Variants in TTC39B observed in about 807,000 individuals in gnomAD.
TTC39B encodes tetratricopeptide repeat protein 39B.
In TTC39B, 92 loss-of-function variants were observed where a neutral mutation model predicts 96.6. The ratio of observed to expected loss-of-function variants is 0.95; its 90% CI spans 0.80 to 1.13. TTC39B has a LOEUF of 1.13. Ranked by LOEUF, TTC39B falls within the 50% of genes most tolerant of loss-of-function variation. The pLI is 0.00. For synonymous variants in TTC39B, 367 were observed against 299.4 expected, an observed-to-expected ratio of 1.23 and a Z score of -2.33; for missense variants, 955 against 809.3, an observed-to-expected ratio of 1.18 and a Z score of -2.18.
Position 15,229,023 on chromosome 9 carries a change from C to T in TTC39B, c.276-3011G>A, listed in dbSNP as rs147982243. Among the ~76,000 whole-genome samples the T allele has an allele frequency of 3.0e-4, 45 of 152,170 alleles. No homozygotes were observed. The East Asian group carries it at 6.0e-3, about 20-fold the overall frequency. On this transcript the variant is annotated intron_variant, in intron 2 of 19. Transcript: ENST00000512701. ...TAATATCACAATAAGCATATCATGCCACAAACTAATTTTTTTATTAAACAG... is the reference window on the plus strand; with the variant it reads ...TAATATCACAATAAGCATATCATGCTACAAACTAATTTTTTTATTAAACAG...
At chr9:15,284,552 T>C (rs1290622336) in intron 1 of TTC39B, among the ~76,000 whole-genome samples, 12 of 152,158 alleles carry the variant, frequency 7.9e-5, no homozygotes, top group Non-Finnish European at 1.3e-4. Flanking sequence ...AAGCAAACAG[T>C]GAAAACATAT....
At chr9:15,232,186 T>G (rs1821461278) in intron 2 of TTC39B, 1 of 152,718 alleles carries the variant, frequency 6.5e-6, no homozygotes, top group African/African-American at 2.4e-5. Flanking sequence ...TATACCCATC[T>G]GCTTGTGCGG....
chr9:15,233,180 C>T (rs1821526689), intron 2 of TTC39B, among the ~76,000 whole-genome samples: 1 of 152,094 alleles, frequency 6.6e-6, no homozygotes, highest in Non-Finnish European at 1.5e-5. Context: ...CTTTTCTAGC[C>T]CCACGCGACG....
chr9:15,199,812 G>C, intron 8 of TTC39B, 49 bp downstream of exon 8: 1 of 843,662 alleles, frequency 1.2e-6, no homozygotes, highest in Non-Finnish European at 1.8e-6. Flanking sequence ...GAACAAAGGA[G>C]TACACAGCAC....
intron 1 of TTC39B, among the ~76,000 whole-genome samples, chr9:15,285,670 C>T (rs943663728): frequency 5.9e-5 from 9 of 152,202 alleles, no homozygotes; most frequent in Non-Finnish European, 1.2e-4. Context: ...CTGGCTAACA[C>T]GATGAAACCC....
At chr9:15,271,904 G>A (rs1439011130) in intron 1 of TTC39B, among the ~76,000 whole-genome samples, 1 of 152,130 alleles carries the variant, frequency 6.6e-6, no homozygotes, top group Non-Finnish European at 1.5e-5. Context: ...CCAATTCTGG[G>A]AAATTATACT....
In TTC39B at chr9:15,306,861, GA is replaced by G. The variant is rs542055439; in HGVS notation, c.240+222del. ...CCACGACTCGCGGGGCCGGCGCTCC[GA>G]ACCTCGGCACTGCGTCCGCTCCGCG... On this transcript the variant is annotated intron_variant, in intron 1 of 19. Transcript: ENST00000512701. This position sits in a 1 kb window ranked among gnomAD's most constrained non-coding sequence, Gnocchi z 5.1. Among the ~76,000 whole-genome samples the G allele has an allele frequency of 1.3e-5, 2 of 151,352 alleles. No individual in the cohort carries two copies. The highest frequency in any genetic ancestry group is 3.0e-5 in the Non-Finnish European group (2 of 67,726).
chr9:15,282,912 A>G (rs1034956658), intron 1 of TTC39B, among the ~76,000 whole-genome samples: 1 of 152,234 alleles, frequency 6.6e-6, no homozygotes, highest in Non-Finnish European at 1.5e-5. Context: ...TAAATTCAAC[A>G]AACTGAGCTA....
chr9:15,177,270 C>T (rs1430731262), intron 18 of TTC39B, among the ~76,000 whole-genome samples: 2 of 151,906 alleles, frequency 1.3e-5, no homozygotes, highest in African/African-American at 2.4e-5. Flanking sequence ...GAGTTCCAGG[C>T]TGCAGTGAGC....
At chr9:15,282,048 C>T (rs2131584780) in intron 1 of TTC39B, among the ~76,000 whole-genome samples, 1 of 152,228 alleles carries the variant, frequency 6.6e-6, no homozygotes, top group East Asian at 1.9e-4. Flanking sequence ...ACTTGTTTTA[C>T]AGTTAAAAGA....
chr9:15,261,888 G>C (rs1822959921), intron 2 of TTC39B, among the ~76,000 whole-genome samples: 1 of 152,126 alleles, frequency 6.6e-6, no homozygotes, highest in African/African-American at 2.4e-5. Flanking sequence ...ACTGAGAAAA[G>C]GGACACTCCG....
intron 6 of TTC39B, among the ~76,000 whole-genome samples, chr9:15,205,274 A>G (rs933621858): frequency 6.6e-6 from 1 of 152,232 alleles, no homozygotes; most frequent in African/African-American, 2.4e-5. Flanking sequence ...CTCAGAAAGA[A>G]GAAAGCATTT....
intron 10 of TTC39B, 38 bp from the exon 11 acceptor site, chr9:15,190,700 A>G: frequency 6.6e-7 from 1 of 1,523,884 alleles, no homozygotes; most frequent in Non-Finnish European, 9.1e-7. Flanking sequence ...AGAGAACAAG[A>G]CTGGAAAATC....
chr9:15,251,742 A>ATATATG (rs1822563480), intron 2 of TTC39B, among the ~76,000 whole-genome samples: 1 of 104,128 alleles, frequency 9.6e-6, no homozygotes, highest in Non-Finnish European at 2.2e-5. Context: ...TATATGTAGT[A>ATATATG]TATATGGAGG....
chr9:15,204,758 G>C lies in TTC39B; in HGVS notation c.692-868C>G, dbSNP rs569819688. The stretch of plus-strand genomic sequence containing the variant: ...CACATGAAGACCTGATATAGAAAGA[G>C]GTAGCACTACCCCAGTTTCAGGCTA... On this transcript the variant is annotated intron_variant, in intron 6 of 19. Coordinates refer to ENST00000512701, the Ensembl canonical transcript of TTC39B. Among the ~76,000 whole-genome samples the C allele has an allele frequency of 3.3e-5, 5 of 152,190 alleles. No homozygotes were observed. In the South Asian group the frequency reaches 1.0e-3, roughly 32 times the overall value.
At chr9:15,256,649 T>C (rs1235167377) in intron 2 of TTC39B, among the ~76,000 whole-genome samples, 1 of 152,150 alleles carries the variant, frequency 6.6e-6, no homozygotes, top group Non-Finnish European at 1.5e-5. Context: ...GGGGGAAGAC[T>C]AACTGTTTTG....
chr9:15,303,198 T>C (rs533210272), intron 1 of TTC39B, among the ~76,000 whole-genome samples: 3 of 152,270 alleles, frequency 2.0e-5, no homozygotes, highest in African/African-American at 7.2e-5. Flanking sequence ...TTTAACTTTA[T>C]AACTGTATTT....
chr9:15,264,904 T>A (rs1003415357), intron 2 of TTC39B, among the ~76,000 whole-genome samples: 1 of 152,106 alleles, frequency 6.6e-6, no homozygotes, highest in East Asian at 1.9e-4. Context: ...CAGACAATGC[T>A]AATATTAAAC....
intron 2 of TTC39B, among the ~76,000 whole-genome samples, chr9:15,251,322 G>A: frequency 6.6e-6 from 1 of 152,114 alleles, no homozygotes; most frequent in Non-Finnish European, 1.5e-5. Context: ...CAGCACTCTG[G>A]GAGGCCAAGG....
Sources: gnomAD v4.1 joint callset for allele counts (sites outside exome capture counted in the v4.1 genomes callset) on GRCh38, gnomAD v4.1.1 for gene constraint, Gnocchi (gnomAD v3.1) non-coding constraint, MANE v1.5 for transcripts, NCBI Gene and HGNC (gene_info 2026-07-23, HGNC 2026-07-21) for gene names.